PROCA1: variants seen among roughly 807,000 people sequenced by gnomAD.
PROCA1 encodes the protein protein interacting with cyclin A1, also known as protein PROCA1.
In PROCA1, 22 loss-of-function variants were observed where a neutral mutation model predicts 23.2. The ratio of observed to expected loss-of-function variants is 0.95; its 90% CI spans 0.68 to 1.35. PROCA1 has a LOEUF of 1.35. Ranked by LOEUF, PROCA1 falls within the 40% of genes most tolerant of loss-of-function variation. The pLI is 0.00. For missense variants in PROCA1, 469 were observed against 459.8 expected (o/e 1.02, Z -0.18); for synonymous variants, 182 against 179.2 (o/e 1.02, Z -0.12).
chr17:28,710,431 C>T (rs1455679207), intron 1 of PROCA1, among the ~76,000 whole-genome samples: 1 of 144,704 alleles, frequency 6.9e-6, no homozygotes, highest in African/African-American at 2.6e-5. Flanking sequence ...TGTTTGAACC[C>T]GGGAGGTGGA....
Position 28,704,042 on chromosome 17 carries a change from A to G in PROCA1, c.611T>C (p.Met204Thr). ...TGTGGAGTCAGGGGTACCAGTGGCC[A>G]TGCTGGTGCCTAGGTCAGGGGAGGC... ...ATASPDLGTS[M>T]ATGTPDSTAP... The change falls in exon 5 of 5, where the codon ATG (methionine) becomes ACG (threonine). Residue 204 changes from methionine (M) to threonine (T), a missense_variant. By Grantham distance (81) the Met-to-Thr change is moderately conservative. Transcript: ENST00000682792. 1 of 1,610,508 alleles carries G rather than the reference A, an allele frequency of 6.2e-7. No individual in the cohort carries two copies. Among genetic ancestry groups the G allele is most frequent in the Non-Finnish European group, 8.5e-7 (1 of 1,178,904 alleles).
chr17:28,711,004 G>GGAAGGGAGGGAAGGAGTAGGGCGA, intron 1 of PROCA1: 2 of 982,738 alleles, frequency 2.0e-6, no homozygotes, highest in South Asian at 1.5e-5. Flanking sequence ...GAGTAGGGCG[G>GGAAGGGAGGGAAGGAGTAGGGCGA]GAAGGGAGGG....
chr17:28,705,109 GGA>G (rs2032403514), intron 2 of PROCA1: 4 of 356,998 alleles, frequency 1.1e-5, no homozygotes, highest in Admixed American at 9.0e-5. Flanking sequence ...CCCTCCAGTG[GGA>G]GGCCTCCACC....
At position 28,703,397 on chromosome 17, in the gene PROCA1, T is replaced by A. The variant is rs2032220008; in HGVS notation, c.*161A>T. On this transcript the variant is annotated 3_prime_UTR_variant, in exon 5 of 5. Coordinates refer to ENST00000682792, the MANE Select transcript of PROCA1 (RefSeq NM_001366301.1). ...CCTTTCCCTCCCACCTGCCTTCCCA[T>A]GGGCTTCCTTTGTGAAAGCTGGATT... is the stretch of plus-strand genomic sequence containing the variant. 11 of 717,120 alleles carry A rather than the reference T, an allele frequency of 1.5e-5. No individual in the cohort carries two copies. In the South Asian group the frequency reaches 2.0e-4, roughly 13 times the overall value. 44.4% of individuals were successfully genotyped at this position (717,120 alleles called of 1,614,324 possible).
chr17:28,704,125 C>A lies in PROCA1; in HGVS notation c.528G>T (p.Glu176Asp). 1 of 1,567,836 alleles carries A rather than the reference C, an allele frequency of 6.4e-7. No individual in the cohort carries two copies. Among genetic ancestry groups the A allele is most frequent in the South Asian group, 1.2e-5 (1 of 83,568 alleles). Residue 176 changes from glutamate (E) to aspartate (D), a missense_variant, in exon 5 of 5, where the codon GAG becomes GAT. Transcript: ENST00000682792. Reference protein sequence around the residue: ...ECGADDLNEEEEEEEEESKPP... With the variant: ...ECGADDLNEEDEEEEEESKPP... ...GCTTGCTTTCCTCCTCCTCCTCTTC[C>A]TCTTCTTCATTTAGATCATCTGCCC... is the stretch of plus-strand genomic sequence containing the variant.
chr17:28,704,458 C>G (rs777787567), intron 3 of PROCA1, 23 bp from the exon 4 acceptor site: 30 of 1,601,954 alleles, frequency 1.9e-5, no homozygotes, highest in Non-Finnish European at 2.5e-5. Context: ...GGACTCTCAG[C>G]CTGGCTCCCA....
intron 2 of PROCA1, chr17:28,706,468 T>G (rs1481450600): frequency 3.8e-6 from 1 of 266,232 alleles, no homozygotes; most frequent in Non-Finnish European, 7.9e-6. Context: ...AAGATACTTA[T>G]GTGCCATAAA....
intron 1 of PROCA1, chr17:28,711,297 T>A (rs2032769819): frequency 1.7e-6 from 1 of 589,566 alleles, no homozygotes; most frequent in Non-Finnish European, 2.7e-6. Context: ...GCGTTCCAGC[T>A]CTGGCTGGAA....
chr17:28,708,731 G>GAAAAAAAAAAA lies in PROCA1; in HGVS notation c.92-1979_92-1969dup, dbSNP rs557817689. 1.2e-4 allele frequency among the ~76,000 whole-genome samples: 12 copies of GAAAAAAAAAAA among 100,976 alleles called. 1 individual carries two copies. Among genetic ancestry groups the GAAAAAAAAAAA allele is most frequent in the East Asian group, 3.4e-4 (1 of 2,954 alleles). The allele number at this position is 100,976 out of a possible 152,430, so 66.2% of individuals were successfully genotyped here. A position where few individuals can be genotyped will look rare whatever the true frequency, so the allele number is the denominator to read the frequency against. On this transcript the variant is annotated intron_variant, in intron 1 of 4. Transcript: ENST00000682792. The stretch of plus-strand genomic sequence containing the variant: ...GCGAGACCCCGTTCTCCAGAAAAAG[G>GAAAAAAAAAAA]AAAAAAAAAAAAAAACGACATTTTG...
Position 28,704,230 on chromosome 17 carries a change from G to A in PROCA1, c.441-18C>T, listed in dbSNP as rs375352509. On this transcript the variant is annotated intron_variant, in intron 4 of 4. Coordinates refer to ENST00000682792, the MANE Select transcript of PROCA1 (RefSeq NM_001366301.1). The stretch of plus-strand genomic sequence containing the variant: ...TTTTGCACCTGGGAGAAGGGACAAC[G>A]GGGGAAGTTTGACAGAGAGTGGGGG... The A allele has an allele frequency of 2.2e-4, 336 of 1,557,016 alleles. 1 individual carries two copies. Among genetic ancestry groups the A allele is most frequent in the Non-Finnish European group, 1.9e-4 (218 of 1,152,756 alleles).
At chr17:28,710,072 C>T (rs2032707757) in intron 1 of PROCA1, among the ~76,000 whole-genome samples, 1 of 152,068 alleles carries the variant, frequency 6.6e-6, no homozygotes, top group Non-Finnish European at 1.5e-5. Flanking sequence ...AATTCCTCAC[C>T]CTCTGGTTTT....
intron 1 of PROCA1, 170 bp downstream of exon 1, chr17:28,711,400 C>A: frequency 4.1e-6 from 2 of 490,772 alleles, no homozygotes; most frequent in South Asian, 3.4e-5. Context: ...AGCCCGCCCC[C>A]GGCCCTAGCT....
intron 2 of PROCA1, chr17:28,705,085 T>TA (rs2032400911): frequency 2.3e-6 from 1 of 443,170 alleles, no homozygotes; most frequent in Non-Finnish European, 4.1e-6. Flanking sequence ...GATTCCCTGT[T>TA]ACTTCTGTCC....
intron 2 of PROCA1, chr17:28,705,926 C>G (rs2032453813): frequency 6.6e-6 from 1 of 152,334 alleles, no homozygotes; most frequent in African/African-American, 2.4e-5. Context: ...GAGGATTGTG[C>G]CTTTGCCAGC....
intron 3 of PROCA1, 119 bp from the exon 4 acceptor site, chr17:28,704,554 A>G (rs1417930087): frequency 1.9e-6 from 3 of 1,543,816 alleles, no homozygotes; most frequent in Admixed American, 1.9e-5. Context: ...CCTCCTCCCC[A>G]TTTCTCTTAG....
At chr17:28,710,495 A>G (rs1371063587) in intron 1 of PROCA1, among the ~76,000 whole-genome samples, 6 of 137,044 alleles carry the variant, frequency 4.4e-5, no homozygotes, top group East Asian at 2.3e-4. Context: ...CGACAGAGCG[A>G]GATTCCATCT....
Position 28,704,795 on chromosome 17 carries a change from G to A in PROCA1, c.224C>T (p.Thr75Ile). 6.2e-7 allele frequency: 1 copy of A among 1,613,766 alleles called. No homozygotes were observed. Among genetic ancestry groups the A allele is most frequent in the Non-Finnish European group, 8.5e-7 (1 of 1,179,982 alleles). Residue 75 changes from threonine (T) to isoleucine (I), a missense_variant, in exon 3 of 5, where the codon ACT becomes ATT. Thr to Ile is a moderately conservative substitution (Grantham distance 89). Coordinates refer to ENST00000682792, the MANE Select transcript of PROCA1 (RefSeq NM_001366301.1). ...DKCCWRHKQC[T>I]GHIIYPFASD... The stretch of plus-strand genomic sequence containing the variant: ...GGCGAAAGGGTAGATGATGTGCCCA[G>A]TGCACTGCTTGTGTCTCCAGCAGCA...
chr17:28,704,148 C>T lies in PROCA1; in HGVS notation c.505G>A (p.Ala169Thr), dbSNP rs749032245. ...IHHPLYHECG[A>T]DDLNEEEEEE... ...TCCTCTTCTTCATTTAGATCATCTGCCCCACACTCATGGTAGAGTGGATGG... is the reference window on the plus strand; with the variant it reads ...TCCTCTTCTTCATTTAGATCATCTGTCCCACACTCATGGTAGAGTGGATGG... Residue 169 changes from alanine to threonine, a missense_variant, in exon 5 of 5, where the codon GCA becomes ACA. By Grantham distance (58) the Ala-to-Thr change is moderately conservative. Coordinates refer to ENST00000682792, the MANE Select transcript of PROCA1 (RefSeq NM_001366301.1). The T allele has an allele frequency of 2.6e-6, 4 of 1,554,244 alleles. No homozygotes were observed. The highest frequency in any genetic ancestry group is 2.5e-5 in the South Asian group (2 of 80,744).
In PROCA1 at chr17:28,706,735, T is replaced by A; in HGVS notation, c.120A>T (p.Arg40Ser). ...RDVNRLPSWE[R>S]GHLLAGVASS... The stretch of plus-strand genomic sequence containing the variant: ...ACGCCACACCAGCCAGCAGATGTCC[T>A]CTCTCCCAGCTGGGTAACCTGTTTA... The change falls in exon 2 of 5, where the codon AGA (arginine) becomes AGT (serine). Residue 40 changes from arginine (R) to serine (S), a missense_variant. Coordinates refer to ENST00000682792, the MANE Select transcript of PROCA1 (RefSeq NM_001366301.1). 1 of 1,303,638 alleles carries A rather than the reference T, an allele frequency of 7.7e-7. No homozygotes were observed. The highest frequency in any genetic ancestry group is 1.0e-6 in the Non-Finnish European group (1 of 988,820). The allele number at this position is 1,303,638 out of a possible 1,614,324, so 80.8% of individuals were successfully genotyped here.
Sources: allele counts gnomAD v4.1 joint callset (sites outside exome capture counted in the v4.1 genomes callset), GRCh38; gene constraint gnomAD v4.1.1; transcripts MANE v1.5; gene names NCBI Gene and HGNC (gene_info 2026-07-23, HGNC 2026-07-21).